Variants in FLT1 observed in about 807,000 individuals in gnomAD.
FLT1 encodes the protein fms related receptor tyrosine kinase 1, also known as vascular endothelial growth factor receptor 1.
In FLT1, 49 loss-of-function variants were observed where a neutral mutation model predicts 156.3. The ratio of observed to expected loss-of-function variants is 0.31; its 90% CI spans 0.25 to 0.40. The LOEUF is 0.40. Ranked by LOEUF, FLT1 falls within the 10% of genes least tolerant of loss-of-function variation. The pLI, the probability that FLT1 is intolerant of heterozygous loss-of-function variation, is 1.00. For missense variants in FLT1, 1,322 were observed against 1,637.2 expected (o/e 0.81, Z 3.32); for synonymous variants, 594 against 583.8 (o/e 1.02, Z -0.25).
chr13:28,332,166 T>C (rs1346141416), intron 18 of FLT1, among the ~76,000 whole-genome samples: 1 of 152,144 alleles, frequency 6.6e-6, no homozygotes, highest in East Asian at 1.9e-4. Context: ...AGGCAGAGGC[T>C]GCAGTGAACT....
intron 1 of FLT1, among the ~76,000 whole-genome samples, chr13:28,484,020 C>A (rs556956509): frequency 6.6e-6 from 1 of 152,320 alleles, no homozygotes; most frequent in East Asian, 1.9e-4. Flanking sequence ...GTTTCCTCAG[C>A]CTTGGGGCTT....
chr13:28,428,965 G>T (rs1050357156), intron 8 of FLT1, among the ~76,000 whole-genome samples: 1 of 151,884 alleles, frequency 6.6e-6, no homozygotes, highest in African/African-American at 2.4e-5. Context: ...CATTTTTGAC[G>T]GTGGATTGAA....
chr13:28,318,244 A>G (rs1417271205), intron 24 of FLT1, among the ~76,000 whole-genome samples: 1 of 152,082 alleles, frequency 6.6e-6, no homozygotes, highest in Non-Finnish European at 1.5e-5. Flanking sequence ...CCAGGGCTCT[A>G]GGAGTTGTGA....
chr13:28,379,559 C>T (rs1396410488), intron 14 of FLT1, among the ~76,000 whole-genome samples: 2 of 152,166 alleles, frequency 1.3e-5, no homozygotes, highest in Non-Finnish European at 2.9e-5. Flanking sequence ...AGCCTGACAG[C>T]GGTGCTGGGA....
chr13:28,477,675 C>T (rs2137648174), intron 1 of FLT1, among the ~76,000 whole-genome samples: 1 of 152,286 alleles, frequency 6.6e-6, no homozygotes, highest in East Asian at 1.9e-4. Context: ...GGCTTGGACA[C>T]ATCTCTGTTT....
chr13:28,388,735 C>A (rs1253406953), intron 13 of FLT1: 1 of 1,057,598 alleles, frequency 9.5e-7, no homozygotes, highest in African/African-American at 1.6e-5. Context: ...TTTAAATTTA[C>A]ATTTAGAAGA....
chr13:28,484,435 CA>C (rs2137661779), intron 1 of FLT1, among the ~76,000 whole-genome samples: 1 of 152,306 alleles, frequency 6.6e-6, no homozygotes, highest in African/African-American at 2.4e-5. Context: ...TCTAGGAGAG[CA>C]GTTTGGAAGC....
chr13:28,333,890 T>C (rs1872018907), intron 18 of FLT1, 135 bp downstream of exon 18: 1 of 750,832 alleles, frequency 1.3e-6, no homozygotes, highest in African/African-American at 1.7e-5. Flanking sequence ...AAGAGGCCTC[T>C]AGCAGTAGAA....
At position 28,322,510 on chromosome 13, in the gene FLT1, C is replaced by G. The variant is rs1344072124; in HGVS notation, c.2954-151G>C. On this transcript the variant is annotated intron_variant, in intron 21 of 29. Transcript: ENST00000282397. This position sits in a 1 kb window ranked among gnomAD's most constrained non-coding sequence, Gnocchi z 4.3. ...AGTATTTGAGTTTCAACATGAACAC[C>G]AGAGATTTTTCCAGGCCTCCAGCCC... The G allele has an allele frequency of 2.7e-6, 2 of 732,920 alleles. No individual in the cohort carries two copies. Among genetic ancestry groups the G allele is most frequent in the Admixed American group, 2.0e-5 (1 of 50,062 alleles). The allele number at this position is 732,920 out of a possible 1,614,324, so 45.4% of individuals were successfully genotyped here.
chr13:28,311,016 C>T (rs950928714), intron 27 of FLT1, among the ~76,000 whole-genome samples: 4 of 152,160 alleles, frequency 2.6e-5, no homozygotes, highest in Non-Finnish European at 5.9e-5. Flanking sequence ...TGAGTGCAGT[C>T]ACATAATCAT....
chr13:28,428,975 A>AT (rs1327803908), intron 8 of FLT1, among the ~76,000 whole-genome samples: 6 of 151,268 alleles, frequency 4.0e-5, no homozygotes, highest in Middle Eastern at 3.4e-3. Flanking sequence ...GGTGGATTGA[A>AT]TTTTTTTTTA....
At chr13:28,434,333 C>T in intron 4 of FLT1, 113 bp from the exon 5 acceptor site, 2 of 1,057,438 alleles carry the variant, frequency 1.9e-6, no homozygotes, top group East Asian at 5.1e-5. Context: ...AATAGTAAAA[C>T]TTTGTAGTTT....
intron 28 of FLT1, 96 bp downstream of exon 28, chr13:28,308,747 G>T: frequency 1.2e-6 from 1 of 810,990 alleles, no homozygotes; most frequent in South Asian, 1.4e-5. Flanking sequence ...GACCCTCACT[G>T]ACCAAGAACT....
intron 15 of FLT1, among the ~76,000 whole-genome samples, chr13:28,347,538 C>A (rs1254372381): frequency 6.7e-6 from 1 of 150,144 alleles, no homozygotes; most frequent in Non-Finnish European, 1.5e-5. Flanking sequence ...AAACAAGACA[C>A]AAGACCCAGA....
At chr13:28,366,407 T>G (rs1189881612) in intron 14 of FLT1, among the ~76,000 whole-genome samples, 1 of 152,188 alleles carries the variant, frequency 6.6e-6, no homozygotes, top group East Asian at 1.9e-4. Context: ...CGTGGTTCCC[T>G]TGATGCCTGG....
intron 20 of FLT1, among the ~76,000 whole-genome samples, chr13:28,325,816 CAAAAAAAA>C (rs377427677): frequency 7.0e-5 from 5 of 71,168 alleles, no homozygotes; most frequent in Non-Finnish European, 1.3e-4. Flanking sequence ...AACTCTGTCT[CAAAAAAAA>C]AAAAAAAAAA....
intron 29 of FLT1, 109 bp from the exon 30 acceptor site, chr13:28,303,477 G>T: frequency 2.0e-5 from 17 of 833,666 alleles, no homozygotes; most frequent in East Asian, 3.3e-5. Context: ...CCTGTCTAGA[G>T]TTCATGGTTT....
chr13:28,440,167 C>A (rs555324981), intron 3 of FLT1, among the ~76,000 whole-genome samples: 3 of 152,292 alleles, frequency 2.0e-5, no homozygotes, highest in African/African-American at 7.2e-5. Flanking sequence ...TGTTACAACA[C>A]GGTCCACAGA....
chr13:28,392,008 A>G (rs1383826174), intron 12 of FLT1, among the ~76,000 whole-genome samples: 1 of 152,204 alleles, frequency 6.6e-6, no homozygotes, highest in Admixed American at 6.5e-5. Flanking sequence ...TTATTATTAT[A>G]CTTTGCACAC....
Sources: gnomAD v4.1 joint callset for allele counts (sites outside exome capture counted in the v4.1 genomes callset) on GRCh38, gnomAD v4.1.1 for gene constraint, Gnocchi (gnomAD v3.1) non-coding constraint, MANE v1.5 for transcripts, NCBI Gene and HGNC (gene_info 2026-07-23, HGNC 2026-07-21) for gene names.